The following PFKFB1 variants were observed in gnomAD, a reference collection of about 807,000 sequenced individuals.
PFKFB1 encodes the protein 6-phosphofructo-2-kinase/fructose-2,6-bisphosphatase 1.
PFKFB1 carries 34 observed loss-of-function variants against 46.4 expected under a neutral mutation model. The observed-to-expected ratio is 0.73, with a 90% CI of 0.56 to 0.98. PFKFB1 has a LOEUF of 0.98. PFKFB1 is among the 50% of genes least tolerant of loss of function. PFKFB1 has a pLI of 0.00. For synonymous variants in PFKFB1, 119 were observed against 133.8 expected (o/e 0.89, Z 0.76); for missense variants, 393 against 376.3 (o/e 1.04, Z -0.37).
Position 54,933,095 on chromosome X carries a change from G to A in PFKFB1, c.*308C>T. Reference sequence around the variant, plus strand: ...CATGCCCTCACAGCAGCAGAGCTGGGTCAGGATTAGGGTCAGTACCTTGAG... The same window carrying A: ...CATGCCCTCACAGCAGCAGAGCTGGATCAGGATTAGGGTCAGTACCTTGAG... On this transcript the variant is annotated 3_prime_UTR_variant, in exon 14 of 14. Coordinates refer to ENST00000375006, the MANE Select transcript of PFKFB1 (RefSeq NM_002625.4). 1 of 261,019 alleles carries A rather than the reference G, an allele frequency of 3.8e-6. No individual in the cohort carries two copies. Among genetic ancestry groups the A allele is most frequent in the Non-Finnish European group, 6.8e-6 (1 of 147,555 alleles). 21.5% of individuals were successfully genotyped at this position (261,019 alleles called of 1,213,427 possible).
intron 6 of PFKFB1, among the ~76,000 whole-genome samples, chrX:54,956,540 T>C (rs1317920726): frequency 9.0e-6 from 1 of 111,667 alleles, no homozygotes; most frequent in African/African-American, 3.3e-5. Flanking sequence ...AAGAAGAACA[T>C]TTATAAGAGG....
At chrX:54,981,685 C>T (rs994070034) in intron 1 of PFKFB1, among the ~76,000 whole-genome samples, 1 of 111,612 alleles carries the variant, frequency 9.0e-6, no homozygotes, top group African/African-American at 3.2e-5. Flanking sequence ...TAAGCCAACA[C>T]TGACTTGAGA....
intron 1 of PFKFB1, among the ~76,000 whole-genome samples, chrX:54,979,279 G>A (rs191615165): frequency 3.6e-5 from 4 of 111,433 alleles, no homozygotes; most frequent in Non-Finnish European, 7.6e-5. Context: ...ACTTCAGGTG[G>A]ATAAAACTCT....
At chrX:54,973,843 G>A (rs969247002) in intron 1 of PFKFB1, among the ~76,000 whole-genome samples, 3 of 110,701 alleles carry the variant, frequency 2.7e-5, no homozygotes, top group Non-Finnish European at 5.7e-5. Context: ...AGTTCTGTAA[G>A]CAATTCAAAA....
chrX:54,996,897 A>G (rs1192474520), upstream of PFKFB1, among the ~76,000 whole-genome samples: 2 of 111,135 alleles, frequency 1.8e-5, no homozygotes. Context: ...TGACCCCTGT[A>G]TCCTTGGGAC....
chrX:54,971,956 C>T (rs1373665172), intron 1 of PFKFB1, among the ~76,000 whole-genome samples: 11 of 111,624 alleles, frequency 9.9e-5, no homozygotes, highest in Non-Finnish European at 1.7e-4. Context: ...GATATTGATT[C>T]TTCCTACCCA....
intron 7 of PFKFB1, among the ~76,000 whole-genome samples, chrX:54,954,629 G>A (rs897044913): frequency 8.0e-5 from 9 of 112,003 alleles, no homozygotes; most frequent in African/African-American, 2.6e-4. Flanking sequence ...AATCCAGCTC[G>A]TTTAGACCTT....
intron 1 of PFKFB1, 109 bp from the exon 2 acceptor site, chrX:54,963,491 A>G: frequency 4.8e-6 from 4 of 832,859 alleles, no homozygotes; most frequent in Non-Finnish European, 6.7e-6. Flanking sequence ...CATTACAGTA[A>G]CGAAAAAACC....
chrX:54,959,830 A>G lies in PFKFB1; in HGVS notation c.381T>C (p.Val127=). ...HNYLSHEEGH[V]AVFDATNTTR... is the part of the protein sequence containing the mutation. ...AAAAAATAAAAAATTTCTTTACCGC[A>G]ACATGACCTTCCTCATGGCTGAGAT... The change falls in exon 4 of 14, where the codon GTT becomes GTC. Residue 127 remains valine (V), a synonymous_variant. Transcript: ENST00000375006. 3 of 1,202,187 alleles carry G rather than the reference A, an allele frequency of 2.5e-6. No individual in the cohort carries two copies. The African/African-American group carries it at 5.2e-5, about 21-fold the overall frequency.
chrX:54,995,604 G>C (rs1481759015), upstream of PFKFB1, among the ~76,000 whole-genome samples: 3 of 112,444 alleles, frequency 2.7e-5, no homozygotes, highest in African/African-American at 9.7e-5. Context: ...GAGGCAATGA[G>C]CAGAAGACTA....
chrX:54,934,809 A>G, intron 12 of PFKFB1, 138 bp downstream of exon 12: 1 of 479,511 alleles, frequency 2.1e-6, no homozygotes, highest in African/African-American at 2.4e-5. Context: ...TCCCACCCCC[A>G]CCACCCACTA....
At position 54,978,889 on chromosome X, in the gene PFKFB1, A is replaced by C. The variant is rs193147233; in HGVS notation, c.97+15022T>G. 4.3e-4 allele frequency among the ~76,000 whole-genome samples: 48 copies of C among 112,050 alleles called. No homozygotes were observed. The East Asian group carries it at 0.012, about 28-fold the overall frequency. Reference sequence around the variant, plus strand: ...ACCAAAATTGTCAAAGTTATGAAAAACAAGGAAAGACTGAAAAGCTGTCAC... The same window carrying C: ...ACCAAAATTGTCAAAGTTATGAAAACCAAGGAAAGACTGAAAAGCTGTCAC... On this transcript the variant is annotated intron_variant, in intron 1 of 13. Transcript: ENST00000375006.
upstream of PFKFB1, among the ~76,000 whole-genome samples, chrX:54,995,244 C>G (rs989185835): frequency 8.9e-6 from 1 of 111,803 alleles, no homozygotes; most frequent in Non-Finnish European, 1.9e-5. Flanking sequence ...CTTCCCACCC[C>G]CAATGAACCT....
chrX:54,983,406 A>G (rs1935042892), intron 1 of PFKFB1, among the ~76,000 whole-genome samples: 1 of 111,432 alleles, frequency 9.0e-6, no homozygotes, highest in Admixed American at 9.5e-5. Context: ...TCCCACTTAC[A>G]AGGGAGAACA....
intron 1 of PFKFB1, among the ~76,000 whole-genome samples, chrX:54,992,771 G>C (rs1935273435): frequency 9.0e-6 from 1 of 111,422 alleles, no homozygotes; most frequent in Non-Finnish European, 1.9e-5. Flanking sequence ...ACAGCCCCTT[G>C]GAAAAGGCCA....
At chrX:54,962,517 A>G (rs184679727) in intron 2 of PFKFB1, among the ~76,000 whole-genome samples, 2 of 112,270 alleles carry the variant, frequency 1.8e-5, no homozygotes, top group Non-Finnish European at 3.8e-5. Context: ...GGCACATGGT[A>G]AACCATCGGG....
Position 54,959,818 on chromosome X carries a change from T to C in PFKFB1, c.384+9A>G, listed in dbSNP as rs199688972. On this transcript the variant is annotated intron_variant, in intron 4 of 13. Transcript: ENST00000375006. Reference sequence around the variant, plus strand: ...AGTTACCCAAGGAAAAAATAAAAAATTTCTTTACCGCAACATGACCTTCCT... The same window carrying C: ...AGTTACCCAAGGAAAAAATAAAAAACTTCTTTACCGCAACATGACCTTCCT... 1.0e-4 allele frequency: 120 copies of C among 1,186,352 alleles called. 1 individual carries two copies. In the African/African-American group the frequency reaches 1.7e-3, roughly 17 times the overall value.
rs199889128 is a variant in PFKFB1 at position 54,991,509 on chromosome X, T to TTC, written c.97+2400_97+2401dup. ...GTAATTTCCATCAAAATCCCAAAAG[T>TTC]TCTCTCTCTCTCTCTCCCTCTCTCT... On this transcript the variant is annotated intron_variant, in intron 1 of 13. Transcript: ENST00000375006. Among the ~76,000 whole-genome samples the TTC allele has an allele frequency of 1.4e-4, 14 of 101,510 alleles. No individual in the cohort carries two copies. In the East Asian group the frequency reaches 3.5e-3, roughly 26 times the overall value. The allele number at this position is 101,510 out of a possible 115,157, so 88.1% of individuals were successfully genotyped here. A position where few individuals can be genotyped will look rare whatever the true frequency, so the allele number is the denominator to read the frequency against.
At chrX:54,992,724 G>A (rs988493666) in intron 1 of PFKFB1, among the ~76,000 whole-genome samples, 3 of 111,855 alleles carry the variant, frequency 2.7e-5, no homozygotes, top group Non-Finnish European at 3.8e-5. Context: ...TGGAGGACCC[G>A]TGTATGCAGA....
Sources: gnomAD v4.1 joint callset for allele counts (sites outside exome capture counted in the v4.1 genomes callset) on GRCh38, gnomAD v4.1.1 for gene constraint, MANE v1.5 for transcripts, NCBI Gene and HGNC (gene_info 2026-07-23, HGNC 2026-07-21) for gene names.